The following GABRA2 variants were observed in gnomAD, a reference collection of about 807,000 sequenced individuals.
GABRA2 encodes the protein gamma-aminobutyric acid type A receptor subunit alpha2.
Under a neutral mutation model 48.7 loss-of-function variants are expected in GABRA2, and 16 were observed. The ratio of observed to expected loss-of-function variants is 0.33; its 90% confidence interval spans 0.22 to 0.50. The LOEUF (loss-of-function observed/expected upper bound fraction) is 0.50, where lower values mean the gene tolerates loss of function less well. Among genes scored for constraint, GABRA2 ranks in the 20% least tolerant of loss-of-function variants. The pLI is 0.98. For synonymous variants in GABRA2, 185 were observed against 184.5 expected (o/e 1.00, Z -0.02); for missense variants, 275 against 535.6 (o/e 0.51, Z 4.80).
chr4:46,358,513 T>C (rs1360882207), intron 3 of GABRA2, among the ~76,000 whole-genome samples: 1 of 152,196 alleles, frequency 6.6e-6, no homozygotes, highest in Non-Finnish European at 1.5e-5. Context: ...AGATGGTAGG[T>C]CTCTAAATAA....
chr4:46,307,747 A>G (rs279866), intron 6 of GABRA2, among the ~76,000 whole-genome samples: 59,838 of 152,040 alleles, frequency 0.39, 12,229 homozygotes, highest in East Asian at 0.52. Context: ...TTTATTAAAG[A>G]AAGTGACTGA....
At chr4:46,302,830 C>T (rs1407110224) in intron 8 of GABRA2, among the ~76,000 whole-genome samples, 1 of 152,198 alleles carries the variant, frequency 6.6e-6, no homozygotes, top group Non-Finnish European at 1.5e-5. Flanking sequence ...TTTGCTCAAA[C>T]TGCTCTCTCT....
At chr4:46,369,069 A>C in intron 3 of GABRA2, 2 of 684,586 alleles carry the variant, frequency 2.9e-6, no homozygotes, top group Non-Finnish European at 5.3e-6. Context: ...AATCTAACTA[A>C]AAGTTAGAAA....
At chr4:46,257,144 C>T (rs1354249198) in intron 9 of GABRA2, among the ~76,000 whole-genome samples, 3 of 151,488 alleles carry the variant, frequency 2.0e-5, no homozygotes, top group African/African-American at 7.3e-5. Flanking sequence ...GACTTACTTA[C>T]AATATAACTA....
chr4:46,294,121 A>C (rs769249468), intron 8 of GABRA2, among the ~76,000 whole-genome samples: 1 of 152,226 alleles, frequency 6.6e-6, no homozygotes, highest in Non-Finnish European at 1.5e-5. Context: ...TCAGGGGTAT[A>C]TCAACTCTCT....
In GABRA2 at chr4:46,305,744, T is replaced by G. The variant is rs764955986; in HGVS notation, c.560-33A>C. On this transcript the variant is annotated intron_variant, in intron 6 of 9. Transcript: ENST00000381620. ...AAATCAGAAAAAATATTTTAAGCAT[T>G]TTAGTAAGAACCATCAATCTAGTGC... 6 of 1,524,444 alleles carry G rather than the reference T, an allele frequency of 3.9e-6. No homozygotes were observed. The South Asian group carries it at 6.8e-5, about 17-fold the overall frequency. The allele number at this position is 1,524,444 out of a possible 1,614,324, so 94.4% of individuals were successfully genotyped here.
At chr4:46,274,724 A>T (rs1376380520) in intron 8 of GABRA2, among the ~76,000 whole-genome samples, 1 of 152,116 alleles carries the variant, frequency 6.6e-6, no homozygotes, top group Non-Finnish European at 1.5e-5. Context: ...TCTGAGCCTC[A>T]GTGGCTTTAT....
chr4:46,275,386 G>A (rs112495176), intron 8 of GABRA2, among the ~76,000 whole-genome samples: 2,404 of 152,100 alleles, frequency 0.016, 69 homozygotes, highest in African/African-American at 0.055. Context: ...AATCTATTGT[G>A]ATTCACATCA....
chr4:46,340,872 G>C (rs531424936), intron 3 of GABRA2, among the ~76,000 whole-genome samples: 1 of 151,582 alleles, frequency 6.6e-6, no homozygotes, highest in Non-Finnish European at 1.5e-5. Context: ...TGCAAATGTT[G>C]GTATGCTTTA....
intron 3 of GABRA2, among the ~76,000 whole-genome samples, chr4:46,371,520 A>G (rs1173563846): frequency 6.6e-6 from 1 of 152,078 alleles, no homozygotes; most frequent in Non-Finnish European, 1.5e-5. Context: ...TTTTTTTATA[A>G]AGCAAGGTTC....
At chr4:46,386,019 T>A in intron 3 of GABRA2, 55 bp downstream of exon 3, 1 of 1,032,598 alleles carries the variant, frequency 9.7e-7, no homozygotes, top group South Asian at 1.3e-5. Flanking sequence ...ATATTACCCT[T>A]AACTTTTAAA....
intron 8 of GABRA2, among the ~76,000 whole-genome samples, chr4:46,265,496 A>ACAATATATTG (rs1406046606): frequency 3.5e-4 from 51 of 145,362 alleles, no homozygotes; most frequent in African/African-American, 1.2e-3. Context: ...TTATATATAT[A>ACAATATATTG]TATATATGTT....
At chr4:46,283,334 C>A (rs1381791530) in intron 8 of GABRA2, among the ~76,000 whole-genome samples, 1 of 152,088 alleles carries the variant, frequency 6.6e-6, no homozygotes, top group Non-Finnish European at 1.5e-5. Flanking sequence ...ACTGGAGTAT[C>A]AACAGCCATT....
intron 2 of GABRA2, among the ~76,000 whole-genome samples, chr4:46,386,441 C>T (rs113333107): frequency 1.5e-4 from 23 of 152,186 alleles, no homozygotes; most frequent in African/African-American, 5.5e-4. Context: ...GCCCCTTTAA[C>T]ATTTTATGTG....
chr4:46,262,144 T>C lies in GABRA2; in HGVS notation c.857-16A>G, dbSNP rs201785606. ...GTTGTTACTCCTGCAAAAGAAAAGA[T>C]AGGAATCGAAAACATCAATAGGTAC... On this transcript the variant is annotated splice_polypyrimidine_tract_variant and intron_variant, in intron 8 of 9. Coordinates refer to ENST00000381620, the MANE Select transcript of GABRA2 (RefSeq NM_000807.4). The C allele has an allele frequency of 3.1e-6, 5 of 1,611,188 alleles. No homozygotes were observed. Among genetic ancestry groups the C allele is most frequent in the Non-Finnish European group, 4.2e-6 (5 of 1,177,874 alleles).
chr4:46,386,287 A>T lies in GABRA2; in HGVS notation c.72-98T>A, dbSNP rs552301146. 3.4e-4 allele frequency: 233 copies of T among 689,842 alleles called. No individual in the cohort carries two copies. The African/African-American group carries it at 4.0e-3, about 12-fold the overall frequency. The allele number at this position is 689,842 out of a possible 1,614,324, so 42.7% of individuals were successfully genotyped here. A position where few individuals can be genotyped will look rare whatever the true frequency, so the allele number is the denominator to read the frequency against. On this transcript the variant is annotated intron_variant, in intron 2 of 9. Transcript: ENST00000381620. ...TTAATTTAAATTTTAACACTCCCTG[A>T]GCTATTAGTACCACCCGTTTTCCTC...
intron 3 of GABRA2, among the ~76,000 whole-genome samples, chr4:46,377,629 G>C (rs900325560): frequency 1.3e-5 from 2 of 149,736 alleles, no homozygotes; most frequent in African/African-American, 4.9e-5. Flanking sequence ...CGCCCGGCTA[G>C]CCGCCCGGTC....
chr4:46,386,339 G>A (rs553186630), intron 2 of GABRA2, 150 bp from the exon 3 acceptor site: 39 of 557,270 alleles, frequency 7.0e-5, no homozygotes, highest in South Asian at 2.1e-4. Context: ...TATAAATATC[G>A]GTTTGTCTTC....
intron 9 of GABRA2, among the ~76,000 whole-genome samples, chr4:46,252,510 TTC>T (rs1222028098): frequency 6.6e-6 from 1 of 151,404 alleles, no homozygotes; most frequent in East Asian, 2.0e-4. Flanking sequence ...TAAAAAAGTT[TTC>T]TGACTTGACC....
Sources: gnomAD v4.1 joint callset for allele counts (sites outside exome capture counted in the v4.1 genomes callset) on GRCh38, gnomAD v4.1.1 for gene constraint, MANE v1.5 for transcripts, NCBI Gene and HGNC (gene_info 2026-07-23, HGNC 2026-07-21) for gene names.